The following ITGB3 variants were observed in gnomAD, a reference collection of about 807,000 sequenced individuals.
ITGB3 encodes integrin subunit beta 3, also known as integrin beta-3.
ITGB3 carries 48 observed loss-of-function variants against 85.8 expected under a neutral mutation model. The ratio of observed to expected loss-of-function variants is 0.56; its 90% confidence interval spans 0.44 to 0.71. ITGB3 has a LOEUF of 0.71. Ranked by LOEUF, ITGB3 falls within the 30% of genes least tolerant of loss-of-function variation. The pLI, the probability that ITGB3 is intolerant of heterozygous loss-of-function variation, is 0.00. For missense variants in ITGB3, 861 were observed against 1,019.1 expected (o/e 0.84, Z 2.11); for synonymous variants, 363 against 395.6 (o/e 0.92, Z 0.98).
intron 10 of ITGB3, among the ~76,000 whole-genome samples, chr17:47,295,687 C>T (rs2065143299): frequency 6.6e-6 from 1 of 151,310 alleles, no homozygotes; most frequent in Admixed American, 6.6e-5. Flanking sequence ...GAGGCGGAGG[C>T]CTCTGAGTGC....
chr17:47,279,270 C>T (rs533945070), intron 2 of ITGB3, among the ~76,000 whole-genome samples: 27 of 152,300 alleles, frequency 1.8e-4, no homozygotes, highest in Admixed American at 5.9e-4. Context: ...TGTGTAACAT[C>T]CGGTTTCCCT....
Position 47,302,837 on chromosome 17 carries a change from C to T in ITGB3, c.2131C>T (p.Pro711Ser), listed in dbSNP as rs138729147. The change falls in exon 13 of 15, where the codon CCA becomes TCA. Residue 711 changes from proline to serine, a missense_variant. Coordinates refer to ENST00000559488, the MANE Select transcript of ITGB3 (RefSeq NM_000212.3). ...GTCCATCCTGTATGTGGTAGAAGAG[C>T]CAGGTGAGTGAACCCTGACGGCTCC... is the stretch of plus-strand genomic sequence containing the variant. The part of the protein sequence containing the change: ...GKSILYVVEE[P>S]ECPKGPDILV... 1,628 of 1,614,142 alleles carry T rather than the reference C, an allele frequency of 1.0e-3. 2 individuals are homozygous for T. The highest frequency in any genetic ancestry group is 1.3e-3 in the Non-Finnish European group (1,539 of 1,179,992).
intron 1 of ITGB3, among the ~76,000 whole-genome samples, chr17:47,267,531 G>A (rs1485811854): frequency 6.6e-6 from 1 of 152,076 alleles, no homozygotes; most frequent in Non-Finnish European, 1.5e-5. Context: ...AATCTGCCTG[G>A]GTAGCAGGAC....
chr17:47,302,730 G>A lies in ITGB3; in HGVS notation c.2024G>A (p.Gly675Asp), dbSNP rs939029518. 4 of 1,613,948 alleles carry A rather than the reference G, an allele frequency of 2.5e-6. No individual in the cohort carries two copies. Among genetic ancestry groups the A allele is most frequent in the Admixed American group, 3.3e-5 (2 of 59,994 alleles). The change falls in exon 13 of 15, where the codon GGC becomes GAC. Residue 675 changes from glycine to aspartate, a missense_variant. Transcript: ENST00000559488. The part of the protein sequence containing the change: ...IESVKELKDT[G>D]KDAVNCTYKN... ...TTTTCCCTACTCCCAGAGGACACTG[G>A]CAAGGATGCAGTGAATTGTACCTAT...
chr17:47,275,225 G>A (rs192171628), intron 2 of ITGB3, among the ~76,000 whole-genome samples: 7 of 152,226 alleles, frequency 4.6e-5, no homozygotes, highest in Admixed American at 4.6e-4. Flanking sequence ...TCTCACAGGT[G>A]TTGAAGAAAG....
intron 1 of ITGB3, among the ~76,000 whole-genome samples, chr17:47,269,227 A>G (rs1334317894): frequency 1.3e-5 from 2 of 152,236 alleles, no homozygotes; most frequent in Admixed American, 6.5e-5. Flanking sequence ...GGTCTCTGAC[A>G]TGCCCTGGAG....
intron 12 of ITGB3, 29 bp from the exon 13 acceptor site, chr17:47,302,692 T>A (rs2065171813): frequency 6.2e-7 from 1 of 1,613,722 alleles, no homozygotes; most frequent in Non-Finnish European, 8.5e-7. Context: ...TTGTCTCACT[T>A]TTTATTCCTC....
chr17:47,263,363 C>T (rs1171569688), intron 1 of ITGB3, among the ~76,000 whole-genome samples: 2 of 152,164 alleles, frequency 1.3e-5, no homozygotes, highest in African/African-American at 4.8e-5. Flanking sequence ...AAGGACAGGA[C>T]CTGCCCTAGA....
At chr17:47,294,365 A>C (rs1372884371) in intron 10 of ITGB3, among the ~76,000 whole-genome samples, 1 of 152,254 alleles carries the variant, frequency 6.6e-6, no homozygotes, top group Non-Finnish European at 1.5e-5. Context: ...GGGCACCCCC[A>C]GTCCTCCTCC....
chr17:47,281,111 G>GTCAGGCA (rs1175193323), intron 2 of ITGB3, among the ~76,000 whole-genome samples: 1 of 152,216 alleles, frequency 6.6e-6, no homozygotes, highest in African/African-American at 2.4e-5. Flanking sequence ...TTATGGAACT[G>GTCAGGCA]TCAGGCATAT....
intron 11 of ITGB3, 78 bp from the exon 12 acceptor site, chr17:47,300,400 A>G (rs1555573438): frequency 7.1e-6 from 7 of 982,706 alleles, no homozygotes; most frequent in Non-Finnish European, 1.1e-5. Flanking sequence ...TTCTGAATGC[A>G]TGGAGATCAG....
At chr17:47,280,922 T>A (rs1418258442) in intron 2 of ITGB3, among the ~76,000 whole-genome samples, 1 of 152,198 alleles carries the variant, frequency 6.6e-6, no homozygotes, top group Admixed American at 6.5e-5. Flanking sequence ...TTTATGATGA[T>A]AATTACAGTC....
intron 2 of ITGB3, 133 bp from the exon 3 acceptor site, chr17:47,283,221 G>C: frequency 1.1e-6 from 1 of 897,082 alleles, no homozygotes; most frequent in South Asian, 1.4e-5. Context: ...TCCCAGGAAA[G>C]ACCACAACAA....
chr17:47,300,825 G>A lies in ITGB3; in HGVS notation c.2014+247G>A, dbSNP rs371096890. Among the ~76,000 whole-genome samples, 4 of 152,262 alleles carry A rather than the reference G, an allele frequency of 2.6e-5. No individual in the cohort carries two copies. In the East Asian group the frequency reaches 5.8e-4, roughly 22 times the overall value. On this transcript the variant is annotated intron_variant, in intron 12 of 14. Coordinates refer to ENST00000559488, the MANE Select transcript of ITGB3 (RefSeq NM_000212.3). ...CCCAGAGCCCACAGACTCAGCAAGA[G>A]CCTGCAAAGCAAAGGGAGCAAGTGC...
At chr17:47,308,160 AAATAATAAT>A (rs200038305) in intron 14 of ITGB3, among the ~76,000 whole-genome samples, 3 of 138,558 alleles carry the variant, frequency 2.2e-5, no homozygotes, top group African/African-American at 8.3e-5. Flanking sequence ...TCGGTCTCAA[AAATAATAAT>A]AATAATAATA....
Position 47,283,361 on chromosome 17 carries a change from C to T in ITGB3, c.173C>T (p.Pro58Leu). The T allele has an allele frequency of 6.2e-7, 1 of 1,614,226 alleles. No individual in the cohort carries two copies. The highest frequency in any genetic ancestry group is 8.5e-7 in the Non-Finnish European group (1 of 1,180,044). Residue 58 changes from proline (P) to leucine (L), a missense_variant, in exon 3 of 15, where the codon CCT becomes CTT. Coordinates refer to ENST00000559488, the MANE Select transcript of ITGB3 (RefSeq NM_000212.3). ...TGGGCTCCTGTCTTACAGGCCCTGC[C>T]TCTGGGCTCACCTCGCTGTGACCTG... Reference protein sequence around the residue: ...MCAWCSDEALPLGSPRCDLKE... With the variant: ...MCAWCSDEALLLGSPRCDLKE...
chr17:47,291,204 AG>A (rs761828205), intron 9 of ITGB3, 116 bp downstream of exon 9: 1 of 1,177,676 alleles, frequency 8.5e-7, no homozygotes, highest in Admixed American at 1.8e-5. Flanking sequence ...AATATGGGCA[AG>A]AAAAATACGT....
chr17:47,261,684 T>A (rs2065009291), intron 1 of ITGB3, among the ~76,000 whole-genome samples: 1 of 152,188 alleles, frequency 6.6e-6, no homozygotes, highest in Non-Finnish European at 1.5e-5. Context: ...CACGCCCAGC[T>A]AATTTTTGTG....
At chr17:47,258,526 T>A (rs188024583) in intron 1 of ITGB3, among the ~76,000 whole-genome samples, 13 of 152,184 alleles carry the variant, frequency 8.5e-5, no homozygotes, top group Non-Finnish European at 1.5e-4. Context: ...TTTTGACAAA[T>A]GCATATAGTC....
Sources: gnomAD v4.1 joint callset for allele counts (sites outside exome capture counted in the v4.1 genomes callset) on GRCh38, gnomAD v4.1.1 for gene constraint, MANE v1.5 for transcripts, NCBI Gene and HGNC (gene_info 2026-07-23, HGNC 2026-07-21) for gene names.